Variants in SHISAL2A observed in about 807,000 individuals in gnomAD.
SHISAL2A encodes the protein protein shisa-like-2A.
SHISAL2A carries 18 observed loss-of-function variants against 11.5 expected under a neutral mutation model. That is an observed-to-expected ratio of 1.57 (90% CI 1.08 to 2.33). The LOEUF is 2.33. Among genes scored for constraint, SHISAL2A ranks in the 30% most tolerant of loss-of-function variants. SHISAL2A has a pLI of 0.00. For missense variants in SHISAL2A, 261 were observed against 250.9 expected (o/e 1.04, Z -0.27); for synonymous variants, 94 against 99.6 (o/e 0.94, Z 0.34).
chr1:52,640,299 TG>T (rs1259054944), intron 1 of SHISAL2A, among the ~76,000 whole-genome samples: 1 of 151,852 alleles, frequency 6.6e-6, no homozygotes, highest in Non-Finnish European at 1.5e-5. Flanking sequence ...GGGAAGAAAA[TG>T]GGCAGGAGAG....
downstream of SHISAL2A, chr1:52,659,693 T>C (rs191949330): frequency 3.9e-5 from 6 of 152,364 alleles, no homozygotes; most frequent in African/African-American, 7.2e-5. Context: ...GAGCTTAGGG[T>C]ACTTGTATAT....
intron 2 of SHISAL2A, among the ~76,000 whole-genome samples, chr1:52,649,735 TATC>T (rs1691584966): frequency 6.6e-6 from 1 of 152,214 alleles, no homozygotes; most frequent in Non-Finnish European, 1.5e-5. Context: ...TGGTGATTAT[TATC>T]AACTCCCATT....
At chr1:52,649,519 T>G (rs1691579467) in intron 2 of SHISAL2A, among the ~76,000 whole-genome samples, 1 of 152,226 alleles carries the variant, frequency 6.6e-6, no homozygotes, top group Non-Finnish European at 1.5e-5. Flanking sequence ...CTTCTTTCCC[T>G]GCCCAGGCAT....
At chr1:52,660,265 G>A (rs999316282), downstream of SHISAL2A, among the ~76,000 whole-genome samples, 33 of 152,038 alleles carry the variant, frequency 2.2e-4, no homozygotes, top group African/African-American at 8.0e-4. Flanking sequence ...GAAAGGGAAT[G>A]TACATGCTGC....
chr1:52,637,212 T>C (rs1691255979), intron 1 of SHISAL2A, among the ~76,000 whole-genome samples: 1 of 152,172 alleles, frequency 6.6e-6, no homozygotes, highest in East Asian at 1.9e-4. Context: ...TCAGACATAA[T>C]GTGATTCATA....
intron 4 of SHISAL2A, among the ~76,000 whole-genome samples, chr1:52,664,433 G>A (rs1194306731): frequency 1.3e-5 from 2 of 151,412 alleles, no homozygotes; most frequent in Non-Finnish European, 2.9e-5. Flanking sequence ...TTGGCTCACC[G>A]CAACCTCCAC....
At chr1:52,655,081 G>T (rs1048814325) in intron 2 of SHISAL2A, among the ~76,000 whole-genome samples, 1 of 152,168 alleles carries the variant, frequency 6.6e-6, no homozygotes, top group African/African-American at 2.4e-5. Flanking sequence ...AGCTACTCAG[G>T]AGGCTGAGGC....
At chr1:52,667,494 C>A in exon 5 of SHISAL2A, 1 of 491,650 alleles carries the variant, frequency 2.0e-6, no homozygotes, top group Non-Finnish European at 2.6e-6. Flanking sequence ...ATCACCATCA[C>A]CATCACCACC....
At chr1:52,656,213 AG>A (rs1691787864) in intron 2 of SHISAL2A, among the ~76,000 whole-genome samples, 1 of 152,226 alleles carries the variant, frequency 6.6e-6, no homozygotes, top group Non-Finnish European at 1.5e-5. Flanking sequence ...AAGGGAGATA[AG>A]GATTTAGAAG....
intron 2 of SHISAL2A, among the ~76,000 whole-genome samples, chr1:52,643,583 G>A (rs1417838057): frequency 6.6e-6 from 1 of 152,150 alleles, no homozygotes; most frequent in African/African-American, 2.4e-5. Context: ...GGCTAGGCGC[G>A]GTGGCTCACG....
intron 1 of SHISAL2A, among the ~76,000 whole-genome samples, chr1:52,638,547 ACT>A (rs544462308): frequency 5.3e-5 from 8 of 152,204 alleles, no homozygotes; most frequent in Non-Finnish European, 1.2e-4. Context: ...TCACCAGGAG[ACT>A]CTGAGATGAG....
At chr1:52,655,082 A>C (rs892714206) in intron 2 of SHISAL2A, among the ~76,000 whole-genome samples, 1 of 152,176 alleles carries the variant, frequency 6.6e-6, no homozygotes, top group African/African-American at 2.4e-5. Flanking sequence ...GCTACTCAGG[A>C]GGCTGAGGCA....
At chr1:52,665,203 C>T (rs1410818409) in intron 4 of SHISAL2A, among the ~76,000 whole-genome samples, 1 of 152,146 alleles carries the variant, frequency 6.6e-6, no homozygotes, top group Non-Finnish European at 1.5e-5. Context: ...AGATTTCTTC[C>T]CAAGGGGCTC....
Position 52,662,327 on chromosome 1 carries a change from C to CTATTT in SHISAL2A, n.695+2763_695+2767dup, listed in dbSNP as rs532105103. On this transcript the variant is annotated intron_variant and non_coding_transcript_variant, in intron 4 of 5. Coordinates refer to the SHISAL2A transcript ENST00000401050. ...GGAAGCATTCTATCCTGTCAACTTT[C>CTATTT]TATTTTATTTTATTTTATTTATTTA... Among the ~76,000 whole-genome samples the CTATTT allele has an allele frequency of 3.8e-3, 581 of 151,860 alleles. 5 individuals carry two copies. Among genetic ancestry groups the CTATTT allele is most frequent in the African/African-American group, 0.012 (497 of 41,400 alleles).
intron 4 of SHISAL2A, among the ~76,000 whole-genome samples, chr1:52,663,622 G>A (rs149664404): frequency 1.4e-4 from 22 of 152,272 alleles, no homozygotes; most frequent in Middle Eastern, 3.4e-3. Context: ...TTAGCCGGGC[G>A]TGGTGGCGCA....
At chr1:52,653,796 T>A (rs1691727489) in intron 2 of SHISAL2A, among the ~76,000 whole-genome samples, 1 of 152,014 alleles carries the variant, frequency 6.6e-6, no homozygotes, top group Non-Finnish European at 1.5e-5. Context: ...TGGAGTACAA[T>A]GGCACAATCT....
chr1:52,656,316 G>GAAT (rs1335661749), intron 2 of SHISAL2A, among the ~76,000 whole-genome samples: 1 of 152,176 alleles, frequency 6.6e-6, no homozygotes, highest in Non-Finnish European at 1.5e-5. Context: ...GGAAGGTAGA[G>GAAT]AATAATAAGG....
chr1:52,657,259 G>A (rs1438850988), downstream of SHISAL2A, among the ~76,000 whole-genome samples: 1 of 152,162 alleles, frequency 6.6e-6, no homozygotes, highest in Non-Finnish European at 1.5e-5. Flanking sequence ...ACAACTCCAT[G>A]CAATCGGGTG....
chr1:52,667,558 G>C (rs1692036624), exon 5 of SHISAL2A: 1 of 211,662 alleles, frequency 4.7e-6, no homozygotes, highest in South Asian at 1.7e-4. Context: ...TAGCTCACTG[G>C]AGCCTCACAG....
Sources: allele counts gnomAD v4.1 joint callset (sites outside exome capture counted in the v4.1 genomes callset), GRCh38; gene constraint gnomAD v4.1.1; transcripts MANE v1.5; gene names NCBI Gene and HGNC (gene_info 2026-07-23, HGNC 2026-07-21).